The following OTUB1 variants were observed in gnomAD, a reference collection of about 807,000 sequenced individuals.
OTUB1 encodes the protein OTU deubiquitinase, ubiquitin aldehyde binding 1.
A neutral mutation model predicts 35.8 loss-of-function variants in OTUB1; 10 were observed. That is an observed-to-expected ratio of 0.28 (90% confidence interval 0.17 to 0.47). The LOEUF (loss-of-function observed/expected upper bound fraction) is 0.47. Among genes scored for constraint, OTUB1 ranks in the 20% least tolerant of loss-of-function variants. The probability of loss-of-function intolerance (pLI) is 0.99; values close to 1 mark genes in which losing one functional copy is unlikely to be tolerated. For missense variants in OTUB1, 264 were observed against 351.6 expected (o/e 0.75, Z 1.99); for synonymous variants, 158 against 143.8 (o/e 1.10, Z -0.71).
At position 63,996,514 on chromosome 11, in the gene OTUB1, G is replaced by A; in HGVS notation, c.220-16G>A. ...TGGCCTGATGTTAACCTGTCGGGGTGGGGCTGTCTCCGCAGGACCTCCACA... is the reference window on the plus strand; with the variant it reads ...TGGCCTGATGTTAACCTGTCGGGGTAGGGCTGTCTCCGCAGGACCTCCACA... On this transcript the variant is annotated splice_polypyrimidine_tract_variant and intron_variant, in intron 3 of 6. Transcript: ENST00000538426. 6.2e-7 allele frequency: 1 copy of A among 1,613,448 alleles called. No individual in the cohort carries two copies. The highest frequency in any genetic ancestry group is 8.5e-7 in the Non-Finnish European group (1 of 1,179,600).
chr11:63,986,702 G>A, intron 1 of OTUB1, 188 bp downstream of exon 1: 2 of 569,602 alleles, frequency 3.5e-6, no homozygotes, highest in Admixed American at 3.4e-5. Flanking sequence ...ACCCCCGGCC[G>A]GGAGGGAGCA....
chr11:63,986,488 A>G lies in OTUB1; in HGVS notation c.32A>G (p.Gln11Arg), dbSNP rs199517144. The stretch of plus-strand genomic sequence containing the variant: ...GCGGAGGAACCTCAGCAGCAGAAGC[A>G]GGAGCCGCTGGGCAGCGACTCCGAA... MAAEEPQQQKQEPLGSDSEGV... is the reference protein window; with the variant it reads MAAEEPQQQKREPLGSDSEGV... Residue 11 changes from glutamine to arginine, a missense_variant, in exon 1 of 7, where the codon CAG becomes CGG. Physicochemically the swap from Gln to Arg is conservative, Grantham distance 43. Coordinates refer to ENST00000538426, the MANE Select transcript of OTUB1 (RefSeq NM_017670.3). 277 of 1,554,034 alleles carry G rather than the reference A, an allele frequency of 1.8e-4. 2 individuals carry two copies. The East Asian group carries it at 5.7e-3, about 32-fold the overall frequency.
rs1380291384 is a variant in OTUB1, at chr11:63,997,067, G to A, written c.441G>A (p.Glu147=). 1 of 1,613,982 alleles carries A rather than the reference G, an allele frequency of 6.2e-7. No individual in the cohort carries two copies. Among genetic ancestry groups the A allele is most frequent in the Non-Finnish European group, 8.5e-7 (1 of 1,179,982 alleles). Reference sequence around the variant, plus strand: ...GGCTGCAGTTCATGGACCTGATTGAGCAGGTGGAGAAGCAGACCTCTGTCG... The same window carrying A: ...GGCTGCAGTTCATGGACCTGATTGAACAGGTGGAGAAGCAGACCTCTGTCG... ...DFHNTFMDLI[E]QVEKQTSVAD... is the part of the protein sequence containing the mutation. The change falls in exon 6 of 7, where the codon GAG becomes GAA. Residue 147 remains glutamate (E), a synonymous_variant. Transcript: ENST00000538426.
chr11:63,988,265 T>C (rs1942638812), intron 1 of OTUB1, 72 bp from the exon 2 acceptor site: 1 of 1,297,520 alleles, frequency 7.7e-7, no homozygotes, highest in Admixed American at 2.0e-5. Flanking sequence ...GCTGCTCTTG[T>C]CCCTGGCCCA....
At chr11:63,993,589 G>A (rs34595065) in intron 3 of OTUB1, among the ~76,000 whole-genome samples, 43,723 of 151,330 alleles carry the variant, frequency 0.29, 7,672 homozygotes, top group Non-Finnish European at 0.4. Context: ...GCTTGAACCC[G>A]GAAGGCGGAG....
At chr11:63,993,448 G>C (rs1413408961) in intron 3 of OTUB1, among the ~76,000 whole-genome samples, 2 of 152,054 alleles carry the variant, frequency 1.3e-5, no homozygotes, top group African/African-American at 4.8e-5. Flanking sequence ...GATCACTTGA[G>C]GGCAGGAGTT....
chr11:63,997,670 C>G lies in OTUB1; in HGVS notation c.*124C>G. On this transcript the variant is annotated 3_prime_UTR_variant, in exon 7 of 7. Transcript: ENST00000538426. The stretch of plus-strand genomic sequence containing the variant: ...CCTTCTTCCTGTCACATGACCCCCC[C>G]CCATGTTTTATTAAAGGGGGTGCTG... The G allele has an allele frequency of 3.8e-6, 3 of 797,986 alleles. No individual in the cohort carries two copies. Among genetic ancestry groups the G allele is most frequent in the South Asian group, 1.4e-5 (1 of 70,330 alleles). The allele number at this position is 797,986 out of a possible 1,614,324, so 49.4% of individuals were successfully genotyped here.
At chr11:63,996,987 C>T (rs1248316588) in intron 5 of OTUB1, 46 bp downstream of exon 5, 2 of 1,612,654 alleles carry the variant, frequency 1.2e-6, no homozygotes, top group East Asian at 2.2e-5. Flanking sequence ...GGGAGGGGTT[C>T]ACCTGGTGAG....
intron 2 of OTUB1, 105 bp from the exon 3 acceptor site, chr11:63,988,548 CT>C: frequency 8.0e-7 from 1 of 1,255,162 alleles, no homozygotes; most frequent in Middle Eastern, 2.1e-4. Flanking sequence ...CTGGGGGTCG[CT>C]GTGCCACCGG....
At chr11:63,993,955 C>T (rs1011035912) in intron 3 of OTUB1, among the ~76,000 whole-genome samples, 1 of 152,026 alleles carries the variant, frequency 6.6e-6, no homozygotes, top group African/African-American at 2.4e-5. Flanking sequence ...GGTGAAATCC[C>T]GTCTCTACAA....
Position 63,997,172 on chromosome 11 carries a change from C to T in OTUB1, c.546C>T (p.Tyr182=). The T allele has an allele frequency of 6.2e-7, 1 of 1,614,246 alleles. No homozygotes were observed. Among genetic ancestry groups the T allele is most frequent in the Non-Finnish European group, 8.5e-7 (1 of 1,180,044 alleles). ...VVYLRLLTSG[Y]LQRESKFFEH... ...ACCTGCGGCTGCTCACCTCGGGCTACCTGCAGCGCGAGAGCAAGTTCTTCG... is the reference window on the plus strand; with the variant it reads ...ACCTGCGGCTGCTCACCTCGGGCTATCTGCAGCGCGAGAGCAAGTTCTTCG... The change falls in exon 6 of 7, where the codon TAC becomes TAT. Residue 182 remains tyrosine, a synonymous_variant. Transcript: ENST00000538426.
chr11:63,988,422 G>A, intron 2 of OTUB1, 24 bp downstream of exon 2: 5 of 1,551,216 alleles, frequency 3.2e-6, no homozygotes, highest in South Asian at 2.4e-5. Context: ...GTGGGCGAGG[G>A]AGGCAGTGGC....
In OTUB1 at chr11:63,988,678, T is replaced by A; in HGVS notation, c.145T>A (p.Ser49Thr). The A allele has an allele frequency of 6.2e-7, 1 of 1,613,354 alleles. No homozygotes were observed. The highest frequency in any genetic ancestry group is 1.1e-5 in the South Asian group (1 of 91,066). Residue 49 changes from serine to threonine, a missense_variant, in exon 3 of 7, where the codon TCA becomes ACA. Ser to Thr is a moderately conservative substitution (Grantham distance 58). Around this residue, in one of 2 missense-constraint regions of OTUB1, gnomAD observed 214 missense variants for 317.1 expected, o/e 0.67. Coordinates refer to ENST00000538426, the MANE Select transcript of OTUB1 (RefSeq NM_017670.3). ...GATTGCTGTGCAGAACCCTCTGGTG[T>A]CAGAGCGGCTGGAGCTCTCGGTCCT... The part of the protein sequence containing the change: ...QEIAVQNPLV[S>T]ERLELSVLYK...
intron 3 of OTUB1, among the ~76,000 whole-genome samples, chr11:63,991,135 A>G (rs1942668928): frequency 6.6e-6 from 1 of 152,054 alleles, no homozygotes; most frequent in African/African-American, 2.4e-5. Flanking sequence ...TCCTGGCCTC[A>G]CCACTTTGAG....
chr11:63,992,610 G>C (rs916791620), intron 3 of OTUB1, among the ~76,000 whole-genome samples: 5 of 152,144 alleles, frequency 3.3e-5, no homozygotes, highest in African/African-American at 1.2e-4. Context: ...GAGTGCAATG[G>C]CACCATCTCA....
chr11:63,996,615 A>C lies in OTUB1; in HGVS notation c.305A>C (p.Glu102Ala). The C allele has an allele frequency of 3.7e-6, 6 of 1,614,174 alleles. No homozygotes were observed. Among genetic ancestry groups the C allele is most frequent in the Non-Finnish European group, 5.1e-6 (6 of 1,180,032 alleles). Residue 102 changes from glutamate (E) to alanine (A), a missense_variant, in exon 4 of 7, where the codon GAG (glutamate) becomes GCG (alanine). Around this residue, in one of 2 missense-constraint regions of OTUB1, gnomAD observed 214 missense variants for 317.1 expected, o/e 0.67. Coordinates refer to ENST00000538426, the MANE Select transcript of OTUB1 (RefSeq NM_017670.3). ...CGGGCTTTCGGATTCTCCCACTTGGAGGCACTGCTGGATGACAGCAAGGAG... is the reference window on the plus strand; with the variant it reads ...CGGGCTTTCGGATTCTCCCACTTGGCGGCACTGCTGGATGACAGCAAGGAG... ...FYRAFGFSHL[E>A]ALLDDSKELQ...
chr11:63,990,324 A>C (rs940350304), intron 3 of OTUB1: 52 of 152,122 alleles, frequency 3.4e-4, no homozygotes, highest in African/African-American at 1.2e-3. Context: ...AAATGGGGCC[A>C]GGCATGGTGG....
At chr11:63,997,274 C>T (rs780054546) in intron 6 of OTUB1, 30 bp downstream of exon 6, 40 of 1,610,792 alleles carry the variant, frequency 2.5e-5, no homozygotes, top group South Asian at 2.1e-4. Context: ...TACTCTCGGC[C>T]GGGGGAGTGC....
At position 63,997,911 on chromosome 11, in the gene OTUB1, G is replaced by T; in HGVS notation, c.*365G>T. 1 of 608,916 alleles carries T rather than the reference G, an allele frequency of 1.6e-6. No homozygotes were observed. The highest frequency in any genetic ancestry group is 2.9e-6 in the Non-Finnish European group (1 of 342,152). The allele number at this position is 608,916 out of a possible 1,614,324, so 37.7% of individuals were successfully genotyped here. ...TTAGCTGGCTCAGGGGCTTCTATGG[G>T]ATCCTGGAAGTTCCTTAGGGACTTG... On this transcript the variant is annotated 3_prime_UTR_variant, in exon 7 of 7. Coordinates refer to ENST00000538426, the MANE Select transcript of OTUB1 (RefSeq NM_017670.3).
Sources: allele counts gnomAD v4.1 joint callset (sites outside exome capture counted in the v4.1 genomes callset), GRCh38; gene constraint gnomAD v4.1.1; regional missense constraint gnomAD v4.1.1; transcripts MANE v1.5; gene names NCBI Gene and HGNC (gene_info 2026-07-23, HGNC 2026-07-21).